Variants in SATB2 observed in about 807,000 individuals in gnomAD.
SATB2 encodes SATB homeobox 2, also known as DNA-binding protein SATB2.
A neutral mutation model predicts 73.4 loss-of-function variants in SATB2; 1 was observed. That is an observed-to-expected ratio of 0.01 (90% CI 0.00 to 0.06). The LOEUF is 0.06. SATB2 is among the 10% of genes least tolerant of loss of function. SATB2 has a pLI of 1.00. For synonymous variants in SATB2, 397 were observed against 367.0 expected, an observed-to-expected ratio of 1.08 and a Z score of -0.93; for missense variants, 459 against 945.8, an observed-to-expected ratio of 0.49 and a Z score of 6.75.
intron 6 of SATB2, 76 bp downstream of exon 6, chr2:199,368,529 A>G: frequency 2.3e-6 from 2 of 859,896 alleles, no homozygotes; most frequent in Non-Finnish European, 4.0e-6. Context: ...TAAAATGAGC[A>G]TAAATTCCAA....
intron 1 of SATB2, 132 bp from the exon 2 acceptor site, chr2:199,456,228 AG>A: frequency 1.5e-6 from 1 of 670,762 alleles, no homozygotes; most frequent in Non-Finnish European, 2.6e-6. Flanking sequence ...ACGCTGCCCG[AG>A]GGGCCCGAGC....
chr2:199,365,404 A>G (rs566791173), intron 6 of SATB2, among the ~76,000 whole-genome samples: 1 of 152,208 alleles, frequency 6.6e-6, no homozygotes, highest in South Asian at 2.1e-4. Context: ...TCATGGTCTT[A>G]GACCTTGAAA....
chr2:199,358,129 T>TG (rs770356796), intron 6 of SATB2, among the ~76,000 whole-genome samples: 13,865 of 152,184 alleles, frequency 0.091, 985 homozygotes, highest in South Asian at 0.32. Flanking sequence ...ACCCAAACTC[T>TG]TTCATTGGGT....
At position 199,272,853 on chromosome 2, in the gene SATB2, C is replaced by T. The variant is rs1228337803; in HGVS notation, c.1741-181G>A. ...GACATTTAGTATCTCACCTACAAAA[C>T]AGGAGGTTCATAACAGTAGTATTTG... On this transcript the variant is annotated intron_variant, in intron 10 of 10. Transcript: ENST00000417098. This position sits in a 1 kb window ranked among gnomAD's most constrained non-coding sequence, Gnocchi z 6.7. Among the ~76,000 whole-genome samples the T allele has an allele frequency of 6.6e-6, 1 of 152,084 alleles. No homozygotes were observed. Among genetic ancestry groups the T allele is most frequent in the Non-Finnish European group, 1.5e-5 (1 of 67,996 alleles).
At chr2:199,424,944 G>GT (rs1187826569) in intron 3 of SATB2, among the ~76,000 whole-genome samples, 1 of 152,160 alleles carries the variant, frequency 6.6e-6, no homozygotes, top group Non-Finnish European at 1.5e-5. Context: ...TAACGAATGT[G>GT]TTTTTTACCA....
chr2:199,465,541 T>C (rs1449207357), upstream of SATB2, among the ~76,000 whole-genome samples: 2 of 152,238 alleles, frequency 1.3e-5, no homozygotes, highest in African/African-American at 4.8e-5. Flanking sequence ...CAGTTCTTAA[T>C]TGTAAGGAAT....
At chr2:199,435,441 C>T (rs1206084405) in intron 2 of SATB2, among the ~76,000 whole-genome samples, 1 of 151,742 alleles carries the variant, frequency 6.6e-6, no homozygotes, top group East Asian at 1.9e-4. Flanking sequence ...CTCCACCTCT[C>T]GGGTTCAAGC....
At chr2:199,402,096 T>C (rs925018848) in intron 3 of SATB2, among the ~76,000 whole-genome samples, 1 of 151,962 alleles carries the variant, frequency 6.6e-6, no homozygotes, top group African/African-American at 2.4e-5. Flanking sequence ...CAAGATTTGA[T>C]ACATTATTGG....
intron 5 of SATB2, among the ~76,000 whole-genome samples, chr2:199,375,686 A>G (rs1689577997): frequency 1.3e-5 from 2 of 152,240 alleles, no homozygotes; most frequent in Non-Finnish European, 2.9e-5. Context: ...GAATTATTTC[A>G]ATAACAGGAA....
intron 3 of SATB2, chr2:199,396,793 T>C (rs1200350002): frequency 6.6e-6 from 1 of 152,204 alleles, no homozygotes; most frequent in Non-Finnish European, 1.5e-5. Flanking sequence ...CGGAAGGCCA[T>C]ATTAGCAATT....
intron 3 of SATB2, among the ~76,000 whole-genome samples, chr2:199,402,228 T>C (rs913452464): frequency 2.0e-5 from 3 of 151,908 alleles, no homozygotes; most frequent in African/African-American, 4.8e-5. Flanking sequence ...CTACTAAAAA[T>C]ACAAAAATTA....
At chr2:199,282,071 C>T (rs964644400) in intron 10 of SATB2, among the ~76,000 whole-genome samples, 1 of 151,982 alleles carries the variant, frequency 6.6e-6, no homozygotes, top group Non-Finnish European at 1.5e-5. Context: ...TTAGTAGAAA[C>T]AGTGTTTCAC....
chr2:199,283,349 C>A (rs1408928697), intron 10 of SATB2, among the ~76,000 whole-genome samples: 1 of 151,366 alleles, frequency 6.6e-6, no homozygotes, highest in Non-Finnish European at 1.5e-5. Context: ...CTCTGCCTCC[C>A]AAAGTGCTGG....
At chr2:199,349,737 G>T (rs563460181) in intron 6 of SATB2, among the ~76,000 whole-genome samples, 195 of 151,934 alleles carry the variant, frequency 1.3e-3, no homozygotes, top group Non-Finnish European at 2.5e-3. Context: ...GTTTCTTTAA[G>T]AAATTGATAT....
chr2:199,466,201 CT>C, upstream of SATB2, among the ~76,000 whole-genome samples: 1 of 152,338 alleles, frequency 6.6e-6, no homozygotes, highest in Admixed American at 6.5e-5. Flanking sequence ...CTTCCCAGAG[CT>C]ACCACACACC....
intron 9 of SATB2, among the ~76,000 whole-genome samples, chr2:199,313,960 T>C (rs755853448): frequency 6.6e-4 from 100 of 152,202 alleles, no homozygotes; most frequent in Non-Finnish European, 1.1e-3. Context: ...CTCACCTTCA[T>C]GCTTCTGCCA....
At chr2:199,365,253 C>A (rs1172677687) in intron 6 of SATB2, among the ~76,000 whole-genome samples, 2 of 151,436 alleles carry the variant, frequency 1.3e-5, no homozygotes, top group Non-Finnish European at 2.9e-5. Flanking sequence ...ATGAGCTCTA[C>A]ATTGTAAAAT....
chr2:199,298,677 T>C (rs1173612140), intron 10 of SATB2, among the ~76,000 whole-genome samples: 2 of 152,108 alleles, frequency 1.3e-5, no homozygotes, highest in Non-Finnish European at 2.9e-5. Context: ...ATTTCAACTG[T>C]TAATTACCTC....
chr2:199,402,898 A>G lies in SATB2; in HGVS notation c.347-21078T>C, dbSNP rs566373590. ...ATAAATCCCTCAGTTTGACCTTTCAATCAGGACAATGAAGCTCTTCACCAG... is the reference window on the plus strand; with the variant it reads ...ATAAATCCCTCAGTTTGACCTTTCAGTCAGGACAATGAAGCTCTTCACCAG... On this transcript the variant is annotated intron_variant, in intron 3 of 10. Transcript: ENST00000417098. 2.6e-5 allele frequency among the ~76,000 whole-genome samples: 4 copies of G among 152,338 alleles called. No individual in the cohort carries two copies. In the East Asian group the frequency reaches 5.8e-4, roughly 22 times the overall value.
Sources: gnomAD v4.1 joint callset for allele counts (sites outside exome capture counted in the v4.1 genomes callset) on GRCh38, gnomAD v4.1.1 for gene constraint, Gnocchi (gnomAD v3.1) non-coding constraint, MANE v1.5 for transcripts, NCBI Gene and HGNC (gene_info 2026-07-23, HGNC 2026-07-21) for gene names.